The following NKAIN2 variants were observed in gnomAD, a reference collection of about 807,000 sequenced individuals.
The protein encoded by NKAIN2 is sodium/potassium transporting ATPase interacting 2.
In NKAIN2, 14 loss-of-function variants were observed where a neutral mutation model predicts 32.6. That is an observed-to-expected ratio of 0.43 (90% CI 0.28 to 0.67). NKAIN2 has a LOEUF of 0.67. NKAIN2 is among the 30% of genes least tolerant of loss of function. NKAIN2 has a pLI of 0.17. For synonymous variants in NKAIN2, 80 were observed against 87.2 expected, an observed-to-expected ratio of 0.92 and a Z score of 0.46; for missense variants, 198 against 258.3, an observed-to-expected ratio of 0.77 and a Z score of 1.60.
intron 1 of NKAIN2, 61 bp downstream of exon 1, chr6:123,804,315 TGCA>T: frequency 5.8e-6 from 8 of 1,384,040 alleles, no homozygotes; most frequent in Non-Finnish European, 8.2e-6. Flanking sequence ...GGCAGGGGAG[TGCA>T]GCAAAGGGTC....
rs143633236 is a variant in NKAIN2 at position 124,787,712 on chromosome 6, G to C, written c.475-3627G>C. ...ATGAAAAATGTTATACTTTTGTAGG[G>C]GGTGCTCCTTCAGCTCATTGTGTAG... On this transcript the variant is annotated intron_variant, in intron 4 of 6. Transcript: ENST00000368417. 4.6e-4 allele frequency among the ~76,000 whole-genome samples: 70 copies of C among 152,150 alleles called. No homozygotes were observed. In the East Asian group the frequency reaches 0.01, roughly 22 times the overall value.
intron 1 of NKAIN2, among the ~76,000 whole-genome samples, chr6:124,257,503 A>G (rs1794005719): frequency 1.3e-5 from 2 of 152,214 alleles, no homozygotes; most frequent in African/African-American, 4.8e-5. Flanking sequence ...TCTTGATTAT[A>G]AAATTAGAAA....
At chr6:123,814,141 A>G (rs1734447953) in intron 1 of NKAIN2, among the ~76,000 whole-genome samples, 4 of 152,172 alleles carry the variant, frequency 2.6e-5, no homozygotes, top group Admixed American at 2.6e-4. Context: ...TCATTTTCCT[A>G]CAAGGCAGGG....
At chr6:124,476,756 G>C (rs643630) in intron 3 of NKAIN2, among the ~76,000 whole-genome samples, 1 of 151,928 alleles carries the variant, frequency 6.6e-6, no homozygotes, top group African/African-American at 2.4e-5. Context: ...ACCCAATCTT[G>C]ATAACAATGA....
At chr6:124,172,820 T>G (rs1235433594) in intron 1 of NKAIN2, among the ~76,000 whole-genome samples, 1 of 151,996 alleles carries the variant, frequency 6.6e-6, no homozygotes, top group African/African-American at 2.4e-5. Context: ...TATAAACATC[T>G]TTACATTAAT....
chr6:124,387,193 C>T (rs1402036857), intron 3 of NKAIN2, among the ~76,000 whole-genome samples: 1 of 151,786 alleles, frequency 6.6e-6, no homozygotes, highest in East Asian at 1.9e-4. Context: ...ACATTTATAT[C>T]TTTTTAAAGT....
chr6:124,763,802 C>T (rs1014965591), intron 4 of NKAIN2, among the ~76,000 whole-genome samples: 1 of 152,094 alleles, frequency 6.6e-6, no homozygotes, highest in African/African-American at 2.4e-5. Context: ...TTCATAGATA[C>T]TGTTTTTATT....
At chr6:124,050,747 A>C (rs1387437690) in intron 1 of NKAIN2, among the ~76,000 whole-genome samples, 1 of 152,030 alleles carries the variant, frequency 6.6e-6, no homozygotes, top group Admixed American at 6.6e-5. Context: ...TGTTTACTTC[A>C]ATCCAACAAT....
chr6:124,006,803 C>T (rs1208211154), intron 1 of NKAIN2, among the ~76,000 whole-genome samples: 1 of 152,166 alleles, frequency 6.6e-6, no homozygotes, highest in African/African-American at 2.4e-5. Flanking sequence ...GGGAGCAACT[C>T]TGGCTCCCTG....
intron 1 of NKAIN2, among the ~76,000 whole-genome samples, chr6:124,027,698 GAATC>G (rs1781177461): frequency 6.7e-6 from 1 of 148,864 alleles, no homozygotes; most frequent in African/African-American, 2.5e-5. Flanking sequence ...CACCTCAACT[GAATC>G]AACTGTCAAG....
intron 1 of NKAIN2, among the ~76,000 whole-genome samples, chr6:123,939,291 T>G (rs235686): frequency 0.4 from 60,881 of 151,326 alleles, 12,935 homozygotes; most frequent in East Asian, 0.62. Context: ...GTGTTCAATA[T>G]ACATACCAAG....
intron 1 of NKAIN2, among the ~76,000 whole-genome samples, chr6:124,251,208 G>T (rs953392537): frequency 6.6e-6 from 1 of 151,846 alleles, no homozygotes; most frequent in Non-Finnish European, 1.5e-5. Context: ...CCAGTTAAAA[G>T]AAAAAGATTT....
intron 1 of NKAIN2, among the ~76,000 whole-genome samples, chr6:124,135,981 CAA>C (rs1231397399): frequency 1.3e-5 from 2 of 151,310 alleles, no homozygotes; most frequent in Admixed American, 1.3e-4. Flanking sequence ...AATAGAGAAA[CAA>C]GAGCAAACCA....
chr6:124,595,562 G>A (rs1426045961), intron 3 of NKAIN2, among the ~76,000 whole-genome samples: 1 of 152,178 alleles, frequency 6.6e-6, no homozygotes, highest in Non-Finnish European at 1.5e-5. Flanking sequence ...TTTGGTGGAA[G>A]CCCAGCTTGT....
At chr6:124,813,424 A>G (rs1439856826) in intron 5 of NKAIN2, among the ~76,000 whole-genome samples, 1 of 152,154 alleles carries the variant, frequency 6.6e-6, no homozygotes, top group Admixed American at 6.5e-5. Context: ...TCTACAACCA[A>G]TAAGGAACTC....
At chr6:124,511,615 C>T (rs557503862) in intron 3 of NKAIN2, among the ~76,000 whole-genome samples, 63 of 152,218 alleles carry the variant, frequency 4.1e-4, no homozygotes, top group African/African-American at 1.4e-3. Flanking sequence ...AAATATCTGA[C>T]GAAAGTAATG....
chr6:124,448,650 A>T (rs951553700), intron 3 of NKAIN2, among the ~76,000 whole-genome samples: 7 of 152,138 alleles, frequency 4.6e-5, no homozygotes, highest in African/African-American at 1.7e-4. Flanking sequence ...AGAAAGCTAC[A>T]CATTTCCTGT....
Position 123,881,749 on chromosome 6 carries a change from T to C in NKAIN2, c.54+77495T>C, listed in dbSNP as rs148401175. On this transcript the variant is annotated intron_variant, in intron 1 of 6. Coordinates refer to ENST00000368417, the MANE Select transcript of NKAIN2 (RefSeq NM_001040214.3). ...TAGGATAGCTCTCTGATGACTGATA[T>C]GACAGAAAGATGAGACTGATGTTTC... Among the ~76,000 whole-genome samples, 1,377 of 152,276 alleles carry C rather than the reference T, an allele frequency of 9.0e-3. 11 individuals carry two copies. Among genetic ancestry groups the C allele is most frequent in the Non-Finnish European group, 0.013 (889 of 67,998 alleles).
At chr6:123,984,679 G>A (rs181516456) in intron 1 of NKAIN2, among the ~76,000 whole-genome samples, 7 of 152,062 alleles carry the variant, frequency 4.6e-5, no homozygotes, top group South Asian at 2.1e-4. Context: ...TGTTACCACC[G>A]TTTAGTTATC....
Sources: gnomAD v4.1 joint callset for allele counts (sites outside exome capture counted in the v4.1 genomes callset) on GRCh38, gnomAD v4.1.1 for gene constraint, MANE v1.5 for transcripts, NCBI Gene and HGNC (gene_info 2026-07-23, HGNC 2026-07-21) for gene names.